Variants in ROR1 observed in about 807,000 individuals in gnomAD.
ROR1 encodes the protein inactive tyrosine-protein kinase transmembrane receptor ROR1.
Under a neutral mutation model 78.8 loss-of-function variants are expected in ROR1, and 19 were observed. The ratio of observed to expected loss-of-function variants is 0.24; its 90% confidence interval spans 0.17 to 0.35. The LOEUF (loss-of-function observed/expected upper bound fraction) is 0.35, where lower values mean the gene tolerates loss of function less well. Among genes scored for constraint, ROR1 ranks in the 10% least tolerant of loss-of-function variants. ROR1 has a pLI of 1.00. For synonymous variants in ROR1, 386 were observed against 433.6 expected, an observed-to-expected ratio of 0.89 and a Z score of 1.36; for missense variants, 917 against 1,177.8, an observed-to-expected ratio of 0.78 and a Z score of 3.24.
intron 4 of ROR1, among the ~76,000 whole-genome samples, chr1:64,062,436 C>T (rs570798086): frequency 5.9e-5 from 9 of 152,222 alleles, no homozygotes; most frequent in Middle Eastern, 3.4e-3. Context: ...CTCAGCCTCC[C>T]GGGTAGCTGG....
intron 7 of ROR1, among the ~76,000 whole-genome samples, chr1:64,149,003 G>A (rs984901769): frequency 4.2e-5 from 6 of 143,174 alleles, no homozygotes; most frequent in Non-Finnish European, 9.0e-5. Context: ...ATCTAATGAA[G>A]GAATCAGATG....
intron 1 of ROR1, among the ~76,000 whole-genome samples, chr1:63,966,009 C>A (rs1384594589): frequency 1.3e-5 from 2 of 152,162 alleles, no homozygotes; most frequent in African/African-American, 4.8e-5. Context: ...CTGATAGTAA[C>A]CCCTTGTAGG....
intron 1 of ROR1, among the ~76,000 whole-genome samples, chr1:63,971,771 C>T (rs1163740535): frequency 6.6e-6 from 1 of 152,134 alleles, no homozygotes; most frequent in Non-Finnish European, 1.5e-5. Flanking sequence ...ACCGGAATCA[C>T]GGCCTTTTAT....
chr1:63,864,524 G>T (rs192738769), intron 1 of ROR1, among the ~76,000 whole-genome samples: 323 of 152,298 alleles, frequency 2.1e-3, no homozygotes, highest in Non-Finnish European at 3.8e-3. Context: ...ATGACGGGGG[G>T]TAGGCGGTTT....
chr1:64,014,740 C>CTATGTGTATATATATA (rs1646504735), intron 2 of ROR1, among the ~76,000 whole-genome samples: 1 of 29,048 alleles, frequency 3.4e-5, no homozygotes, highest in African/African-American at 1.1e-4. Context: ...CATACGCACA[C>CTATGTGTATATATATA]TATATATATA....
intron 2 of ROR1, among the ~76,000 whole-genome samples, chr1:64,048,649 A>G (rs919162895): frequency 6.6e-6 from 1 of 152,248 alleles, no homozygotes; most frequent in African/African-American, 2.4e-5. Context: ...TTTATCTGCA[A>G]TTGGATTCTA....
chr1:63,891,456 G>T (rs1645395046), intron 1 of ROR1, among the ~76,000 whole-genome samples: 1 of 152,170 alleles, frequency 6.6e-6, no homozygotes, highest in African/African-American at 2.4e-5. Context: ...AGACTTGCAG[G>T]TGTGAGCGGT....
At chr1:64,060,623 G>T (rs759462265) in intron 4 of ROR1, among the ~76,000 whole-genome samples, 79 of 152,132 alleles carry the variant, frequency 5.2e-4, no homozygotes, top group Middle Eastern at 3.2e-3. Flanking sequence ...AGCAGTTCAG[G>T]GGGGAGGCAT....
intron 1 of ROR1, among the ~76,000 whole-genome samples, chr1:63,833,494 G>A (rs1260538726): frequency 1.3e-5 from 2 of 152,264 alleles, no homozygotes; most frequent in South Asian, 2.1e-4. Flanking sequence ...GGTCTTCAGG[G>A]TGACAAGGGG....
At chr1:63,872,385 C>T (rs1278365460) in intron 1 of ROR1, among the ~76,000 whole-genome samples, 4 of 152,122 alleles carry the variant, frequency 2.6e-5, no homozygotes, top group Admixed American at 2.0e-4. Context: ...AGCCCAGCTC[C>T]CAGTTGGTGG....
intron 2 of ROR1, among the ~76,000 whole-genome samples, chr1:64,038,229 G>A (rs1029850082): frequency 2.6e-5 from 4 of 152,066 alleles, no homozygotes; most frequent in Non-Finnish European, 5.9e-5. Flanking sequence ...AAGAGGACAG[G>A]AAGTCTGGGG....
intron 4 of ROR1, among the ~76,000 whole-genome samples, chr1:64,127,256 T>C (rs1255811827): frequency 6.6e-6 from 1 of 152,216 alleles, no homozygotes; most frequent in Non-Finnish European, 1.5e-5. Flanking sequence ...TTTCTTATAA[T>C]GGACACTGCA....
At chr1:63,992,951 C>G (rs1346622574) in intron 1 of ROR1, among the ~76,000 whole-genome samples, 1 of 152,094 alleles carries the variant, frequency 6.6e-6, no homozygotes, top group East Asian at 1.9e-4. Context: ...ATCTCTTAAC[C>G]CATGTCTTTT....
intron 4 of ROR1, among the ~76,000 whole-genome samples, chr1:64,081,311 G>A (rs1231222289): frequency 1.3e-5 from 2 of 151,942 alleles, no homozygotes; most frequent in African/African-American, 2.4e-5. Context: ...TCTCAAATAC[G>A]GACATAATTT....
chr1:64,091,270 T>A (rs2100644207), intron 4 of ROR1, among the ~76,000 whole-genome samples: 2 of 152,274 alleles, frequency 1.3e-5, no homozygotes, highest in South Asian at 2.1e-4. Context: ...GTGGGAAAGG[T>A]CTGACTAGAG....
chr1:64,064,472 C>G (rs561538901), intron 4 of ROR1, among the ~76,000 whole-genome samples: 1 of 152,322 alleles, frequency 6.6e-6, no homozygotes, highest in African/African-American at 2.4e-5. Context: ...AGAATCACAG[C>G]CTGCAGAGGT....
At chr1:64,049,457 G>A (rs1390017687) in intron 2 of ROR1, among the ~76,000 whole-genome samples, 1 of 152,074 alleles carries the variant, frequency 6.6e-6, no homozygotes, top group Non-Finnish European at 1.5e-5. Context: ...TGGAGACTTT[G>A]GGTTCTATAC....
chr1:63,860,768 C>CG (rs1182815535), intron 1 of ROR1, among the ~76,000 whole-genome samples: 17 of 104,610 alleles, frequency 1.6e-4, no homozygotes, highest in African/African-American at 6.7e-4. Flanking sequence ...GAGTCTGTCT[C>CG]GGGGAAAAAA....
chr1:64,114,538 GA>G (rs1648241060), intron 4 of ROR1, among the ~76,000 whole-genome samples: 1 of 152,166 alleles, frequency 6.6e-6, no homozygotes, highest in Non-Finnish European at 1.5e-5. Context: ...CACCTTTAAA[GA>G]AAGGGTGAGG....
Sources: allele counts gnomAD v4.1 joint callset (sites outside exome capture counted in the v4.1 genomes callset), GRCh38; gene constraint gnomAD v4.1.1; transcripts MANE v1.5; gene names NCBI Gene and HGNC (gene_info 2026-07-23, HGNC 2026-07-21).